The following ADAMTS18 variants were observed in gnomAD, a reference collection of about 807,000 sequenced individuals.
The protein encoded by ADAMTS18 is A disintegrin and metalloproteinase with thrombospondin motifs 18.
Under a neutral mutation model 165.9 loss-of-function variants are expected in ADAMTS18, and 157 were observed. That is an observed-to-expected ratio of 0.95 (90% CI 0.83 to 1.08). The LOEUF (loss-of-function observed/expected upper bound fraction) is 1.08, where lower values mean the gene tolerates loss of function less well. Ranked by LOEUF, ADAMTS18 falls within the 50% of genes least tolerant of loss-of-function variation. ADAMTS18 has a pLI of 0.00. For synonymous variants in ADAMTS18, 782 were observed against 578.2 expected, an observed-to-expected ratio of 1.35 and a Z score of -5.06; for missense variants, 2,040 against 1,534.0, an observed-to-expected ratio of 1.33 and a Z score of -5.51.
intron 12 of ADAMTS18, among the ~76,000 whole-genome samples, chr16:77,327,617 G>T (rs978045134): frequency 2.0e-5 from 3 of 152,312 alleles, no homozygotes; most frequent in Non-Finnish European, 2.9e-5. Context: ...ACTGGAGACC[G>T]TTATTCTAAC....
intron 16 of ADAMTS18, among the ~76,000 whole-genome samples, chr16:77,302,349 A>G (rs1193274351): frequency 1.3e-5 from 2 of 152,104 alleles, no homozygotes; most frequent in Non-Finnish European, 1.5e-5. Context: ...CCTTTTTTTT[A>G]TGCAACAAAA....
At chr16:77,297,536 T>C in intron 17 of ADAMTS18, 121 bp from the exon 18 acceptor site, 3 of 1,070,092 alleles carry the variant, frequency 2.8e-6, no homozygotes, top group Non-Finnish European at 4.2e-6. Flanking sequence ...AATCCAAATA[T>C]TTTGTGGAAC....
At chr16:77,398,319 A>AAAC (rs143795076) in intron 3 of ADAMTS18, among the ~76,000 whole-genome samples, 2,009 of 151,052 alleles carry the variant, frequency 0.013, 39 homozygotes, top group African/African-American at 0.036. Flanking sequence ...TCTGTCTCAA[A>AAAC]AACAACAACA....
At chr16:77,367,983 C>G (rs1323701379) in intron 3 of ADAMTS18, among the ~76,000 whole-genome samples, 1 of 152,154 alleles carries the variant, frequency 6.6e-6, no homozygotes, top group African/African-American at 2.4e-5. Context: ...CTCAAGTGAT[C>G]CTCCCAGCTC....
At chr16:77,341,522 G>C (rs578201826) in intron 11 of ADAMTS18, among the ~76,000 whole-genome samples, 182 bp downstream of exon 11, 2 of 152,154 alleles carry the variant, frequency 1.3e-5, no homozygotes, top group South Asian at 4.2e-4. Context: ...TTAAACAATT[G>C]AGCTACCTGG....
intron 3 of ADAMTS18, among the ~76,000 whole-genome samples, chr16:77,370,648 G>T (rs969429674): frequency 2.0e-5 from 3 of 152,124 alleles, no homozygotes; most frequent in African/African-American, 7.2e-5. Context: ...TACTCAGGAG[G>T]CTGAGACAGG....
chr16:77,301,503 C>T (rs569106812), intron 16 of ADAMTS18, among the ~76,000 whole-genome samples: 1 of 152,316 alleles, frequency 6.6e-6, no homozygotes, highest in South Asian at 2.1e-4. Context: ...ATAGCTGGTT[C>T]TTTCCCACTC....
At chr16:77,410,764 C>G (rs1223965993) in intron 3 of ADAMTS18, among the ~76,000 whole-genome samples, 1 of 152,014 alleles carries the variant, frequency 6.6e-6, no homozygotes, top group East Asian at 1.9e-4. Context: ...ACTGGATGTC[C>G]CTTTTCAGAA....
At chr16:77,321,008 G>C (rs2055987035) in intron 15 of ADAMTS18, 71 bp downstream of exon 15, 1 of 1,589,254 alleles carries the variant, frequency 6.3e-7, no homozygotes, top group East Asian at 2.2e-5. Flanking sequence ...AACCACATTT[G>C]GCGTGACTCA....
chr16:77,291,262 C>A lies in ADAMTS18; in HGVS notation c.3402+4G>T, dbSNP rs762761294. 17 of 1,613,736 alleles carry A rather than the reference C, an allele frequency of 1.1e-5. No individual in the cohort carries two copies. The highest frequency in any genetic ancestry group is 3.3e-5 in the Admixed American group (2 of 60,010). On this transcript the variant is annotated splice_donor_region_variant and intron_variant, in intron 21 of 22. Transcript: ENST00000282849. The stretch of plus-strand genomic sequence containing the variant: ...AGACACCTCCTCAATCGGCCTGTAC[C>A]CACCTGCTGCCACGGCAATGAATAC...
intron 11 of ADAMTS18, among the ~76,000 whole-genome samples, chr16:77,339,169 G>A (rs2144682728): frequency 6.6e-6 from 1 of 151,160 alleles, no homozygotes; most frequent in East Asian, 1.9e-4. Flanking sequence ...TGGCCCTCAT[G>A]AAATTTACAG....
rs56204980 is a variant in ADAMTS18, at chr16:77,365,127, C to T, written c.779-746G>A. 6.2e-3 allele frequency among the ~76,000 whole-genome samples: 950 copies of T among 152,168 alleles called. 3 individuals carry two copies. Among genetic ancestry groups the T allele is most frequent in the Middle Eastern group, 0.01 (3 of 294 alleles). Reference sequence around the variant, plus strand: ...CAAAAGAAACACCCAACCACACCTACGCATTTACCTTTAAGATAGAGTCTC... The same window carrying T: ...CAAAAGAAACACCCAACCACACCTATGCATTTACCTTTAAGATAGAGTCTC... On this transcript the variant is annotated intron_variant, in intron 4 of 22. Coordinates refer to ENST00000282849, the MANE Select transcript of ADAMTS18 (RefSeq NM_199355.4).
chr16:77,287,423 G>A (rs897486413), intron 22 of ADAMTS18, among the ~76,000 whole-genome samples: 5 of 152,070 alleles, frequency 3.3e-5, no homozygotes, highest in East Asian at 1.9e-4. Flanking sequence ...GAACAAACAC[G>A]TGGGCTCGTA....
chr16:77,365,866 A>G (rs1337724885), intron 4 of ADAMTS18, among the ~76,000 whole-genome samples: 1 of 152,244 alleles, frequency 6.6e-6, no homozygotes, highest in Non-Finnish European at 1.5e-5. Flanking sequence ...TTATGAGCAC[A>G]GTGACGTTGA....
chr16:77,406,655 C>G (rs1243854117), intron 3 of ADAMTS18, among the ~76,000 whole-genome samples: 1 of 152,026 alleles, frequency 6.6e-6, no homozygotes, highest in East Asian at 1.9e-4. Flanking sequence ...AAGACACACG[C>G]ACTCATATGT....
intron 3 of ADAMTS18, among the ~76,000 whole-genome samples, chr16:77,370,105 C>A (rs1337204324): frequency 6.6e-6 from 1 of 152,136 alleles, no homozygotes; most frequent in Non-Finnish European, 1.5e-5. Context: ...CCATATATGA[C>A]AAACTCCCAG....
chr16:77,350,041 C>G (rs765404089), intron 10 of ADAMTS18, among the ~76,000 whole-genome samples: 1 of 152,176 alleles, frequency 6.6e-6, no homozygotes, highest in Admixed American at 6.5e-5. Context: ...GCACAGAAGT[C>G]TCGATCAGTC....
intron 3 of ADAMTS18, among the ~76,000 whole-genome samples, chr16:77,416,693 C>T (rs1446353045): frequency 2.0e-5 from 3 of 152,124 alleles, no homozygotes; most frequent in Non-Finnish European, 4.4e-5. Context: ...TGTCTATTAG[C>T]AGCATGAGAA....
intron 3 of ADAMTS18, among the ~76,000 whole-genome samples, chr16:77,424,343 C>T (rs1470861801): frequency 1.3e-5 from 2 of 152,120 alleles, no homozygotes; most frequent in Non-Finnish European, 2.9e-5. Flanking sequence ...CAGTGCATGC[C>T]TGTAATCCTA....
Sources: allele counts gnomAD v4.1 joint callset (sites outside exome capture counted in the v4.1 genomes callset), GRCh38; gene constraint gnomAD v4.1.1; transcripts MANE v1.5; gene names NCBI Gene and HGNC (gene_info 2026-07-23, HGNC 2026-07-21).